The following SYNPO2 variants were observed in gnomAD, a reference collection of about 807,000 sequenced individuals.
SYNPO2 encodes synaptopodin 2, also known as synaptopodin-2.
SYNPO2 carries 56 observed loss-of-function variants against 85.0 expected under a neutral mutation model. The ratio of observed to expected loss-of-function variants is 0.66; its 90% confidence interval spans 0.53 to 0.82. The LOEUF (loss-of-function observed/expected upper bound fraction) is 0.82. SYNPO2 is among the 40% of genes least tolerant of loss of function. SYNPO2 has a pLI of 0.00. For missense variants in SYNPO2, 1,575 were observed against 1,534.2 expected, an observed-to-expected ratio of 1.03 and a Z score of -0.44; for synonymous variants, 602 against 591.1, an observed-to-expected ratio of 1.02 and a Z score of -0.27.
chr4:118,860,871 C>T (rs1731597289), intron 1 of SYNPO2, among the ~76,000 whole-genome samples: 1 of 152,022 alleles, frequency 6.6e-6, no homozygotes, highest in Non-Finnish European at 1.5e-5. Context: ...TTTTTAAAAT[C>T]AGATTATTCT....
At chr4:118,873,909 A>G (rs754985902) in intron 1 of SYNPO2, among the ~76,000 whole-genome samples, 4 of 151,620 alleles carry the variant, frequency 2.6e-5, no homozygotes, top group Non-Finnish European at 5.9e-5. Flanking sequence ...TGGCAATCCA[A>G]TTTTCCCACT....
At chr4:118,932,082 C>T (rs1008854903) in intron 1 of SYNPO2, among the ~76,000 whole-genome samples, 1 of 152,138 alleles carries the variant, frequency 6.6e-6, no homozygotes, top group Non-Finnish European at 1.5e-5. Context: ...TGTGGTCATC[C>T]ACATACTTGT....
chr4:119,044,147 G>A (rs1393792250), intron 4 of SYNPO2, among the ~76,000 whole-genome samples: 1 of 152,086 alleles, frequency 6.6e-6, no homozygotes, highest in African/African-American at 2.4e-5. Flanking sequence ...GGAAGTAAAT[G>A]CTGCTTATTC....
At chr4:118,896,465 A>C (rs1732553385) in intron 1 of SYNPO2, among the ~76,000 whole-genome samples, 1 of 152,232 alleles carries the variant, frequency 6.6e-6, no homozygotes, top group Non-Finnish European at 1.5e-5. Flanking sequence ...TTTCTGAAAC[A>C]GATTCATTAA....
intron 1 of SYNPO2, among the ~76,000 whole-genome samples, chr4:118,964,043 A>G (rs776566562): frequency 6.6e-6 from 1 of 152,092 alleles, no homozygotes; most frequent in African/African-American, 2.4e-5. Context: ...CATGAGGGGG[A>G]CCACCCGTCA....
intron 1 of SYNPO2, among the ~76,000 whole-genome samples, chr4:118,879,424 G>T (rs941422701): frequency 7.2e-5 from 11 of 152,150 alleles, no homozygotes; most frequent in Non-Finnish European, 1.5e-5. Context: ...AAGGTAATTA[G>T]CTCATGAGGA....
chr4:119,010,084 C>T (rs558347171), intron 1 of SYNPO2, among the ~76,000 whole-genome samples: 19 of 152,242 alleles, frequency 1.2e-4, no homozygotes, highest in African/African-American at 3.6e-4. Context: ...CTATAGTATT[C>T]GTGGGAGGTG....
intron 4 of SYNPO2, chr4:119,036,057 A>G: frequency 2.0e-6 from 2 of 985,396 alleles, no homozygotes; most frequent in Non-Finnish European, 2.4e-6. Context: ...TTGGCTGCGT[A>G]TCATTTCATC....
intron 1 of SYNPO2, among the ~76,000 whole-genome samples, chr4:118,859,125 T>G (rs1046669464): frequency 6.6e-6 from 1 of 152,244 alleles, no homozygotes; most frequent in African/African-American, 2.4e-5. Context: ...TAATGTTAGA[T>G]TCTTTATCCA....
chr4:119,031,579 T>C lies in SYNPO2; in HGVS notation c.2804T>C (p.Leu935Pro), dbSNP rs1308068826. 1.9e-6 allele frequency: 3 copies of C among 1,614,140 alleles called. No homozygotes were observed. The highest frequency in any genetic ancestry group is 2.5e-6 in the Non-Finnish European group (3 of 1,180,022). Reference sequence around the variant, plus strand: ...CCTATCCACTCGCCGTCTTACCCACTGGCTGCTCTCAAGTCTCAGCCATCA... The same window carrying C: ...CCTATCCACTCGCCGTCTTACCCACCGGCTGCTCTCAAGTCTCAGCCATCA... ...YNPIHSPSYP[L>P]AALKSQPSAA... The change falls in exon 4 of 5, where the codon CTG (leucine) becomes CCG (proline). Residue 935 changes from leucine to proline, a missense_variant. Physicochemically the swap from Leu to Pro is moderately conservative, Grantham distance 98 (BLOSUM62 -3). Coordinates refer to ENST00000307142, the MANE Select transcript of SYNPO2 (RefSeq NM_133477.3).
intron 4 of SYNPO2, among the ~76,000 whole-genome samples, chr4:119,057,079 C>T (rs1225667257): frequency 1.3e-5 from 2 of 152,142 alleles, no homozygotes; most frequent in East Asian, 3.9e-4. Flanking sequence ...ATGACAGAGC[C>T]CCCGCCCTGC....
intron 1 of SYNPO2, among the ~76,000 whole-genome samples, chr4:118,976,012 TG>T (rs1424647052): frequency 1.3e-5 from 2 of 152,252 alleles, no homozygotes; most frequent in Admixed American, 1.3e-4. Context: ...ATAGACTCCC[TG>T]TCCCCTACCA....
chr4:119,032,006 G>A lies in SYNPO2; in HGVS notation c.3231G>A (p.Lys1077=). 6.2e-7 allele frequency: 1 copy of A among 1,614,178 alleles called. No homozygotes were observed. The highest frequency in any genetic ancestry group is 8.5e-7 in the Non-Finnish European group (1 of 1,180,018). Residue 1077 remains lysine (K), a synonymous_variant, in exon 4 of 5, where the codon AAG becomes AAA. Coordinates refer to ENST00000307142, the MANE Select transcript of SYNPO2 (RefSeq NM_133477.3). ...CACCAAGGCCAAAGTTCTCAGCCAA[G>A]AAAAGTGGTGTCACAATTCAGGTGT... ...FVAPRPKFSA[K]KSGVTIQESG...
At chr4:118,965,966 G>T (rs1016569293) in intron 1 of SYNPO2, among the ~76,000 whole-genome samples, 2 of 151,956 alleles carry the variant, frequency 1.3e-5, no homozygotes, top group Non-Finnish European at 2.9e-5. Context: ...GAGGTGGGAG[G>T]ATTGCTTGAG....
rs1306834199 is a variant in SYNPO2, at chr4:119,030,915, C to G, written c.2140C>G (p.Leu714Val). 1 of 1,614,166 alleles carries G rather than the reference C, an allele frequency of 6.2e-7. No individual in the cohort carries two copies. The highest frequency in any genetic ancestry group is 1.7e-5 in the Admixed American group (1 of 60,022). Reference protein sequence around the residue: ...VSPNPELLSLLQNSEGKRGTG... With the variant: ...VSPNPELLSLVQNSEGKRGTG... ...CCCAAATCCTGAACTCTTGTCACTC[C>G]TTCAAAATTCAGAAGGCAAACGGGG... is the stretch of plus-strand genomic sequence containing the variant. Residue 714 changes from leucine (L) to valine (V), a missense_variant, in exon 4 of 5, where the codon CTT becomes GTT. Around this residue, in one of 3 missense-constraint regions of SYNPO2, gnomAD observed 1,508 missense variants for 1,446.8 expected, o/e 1.04. Transcript: ENST00000307142.
chr4:118,944,211 G>T (rs533130931), intron 1 of SYNPO2, among the ~76,000 whole-genome samples: 1 of 152,108 alleles, frequency 6.6e-6, no homozygotes, highest in Admixed American at 6.6e-5. Context: ...ACTTGAGATA[G>T]ATTAGTGTTA....
intron 1 of SYNPO2, among the ~76,000 whole-genome samples, chr4:118,989,470 C>T (rs182339866): frequency 1.3e-5 from 2 of 152,192 alleles, no homozygotes; most frequent in East Asian, 3.8e-4. Context: ...GATCATATCT[C>T]CCTAGCAAGC....
intron 1 of SYNPO2, among the ~76,000 whole-genome samples, chr4:118,916,348 T>C (rs1435399662): frequency 6.6e-6 from 1 of 151,964 alleles, no homozygotes; most frequent in Non-Finnish European, 1.5e-5. Context: ...GATTTTTGTA[T>C]TTTTTGTAGA....
At chr4:118,985,126 C>T (rs1168614092) in intron 1 of SYNPO2, among the ~76,000 whole-genome samples, 2 of 152,162 alleles carry the variant, frequency 1.3e-5, no homozygotes, top group Non-Finnish European at 2.9e-5. Flanking sequence ...AGATTAAATA[C>T]GTATCCCAAG....
Sources: gnomAD v4.1 joint callset for allele counts (sites outside exome capture counted in the v4.1 genomes callset) on GRCh38, gnomAD v4.1.1 for gene constraint, gnomAD v4.1.1 regional missense constraint, MANE v1.5 for transcripts, NCBI Gene and HGNC (gene_info 2026-07-23, HGNC 2026-07-21) for gene names.